The following CLSTN2 variants were observed in gnomAD, a reference collection of about 807,000 sequenced individuals.
The protein encoded by CLSTN2 is calsyntenin 2, also known as calsyntenin-2.
A neutral mutation model predicts 101.2 loss-of-function variants in CLSTN2; 48 were observed. The ratio of observed to expected loss-of-function variants is 0.47; its 90% CI spans 0.38 to 0.60. The LOEUF (loss-of-function observed/expected upper bound fraction) is 0.60, where lower values mean the gene tolerates loss of function less well. CLSTN2 is among the 20% of genes least tolerant of loss of function. CLSTN2 has a pLI of 0.00. For synonymous variants in CLSTN2, 481 were observed against 463.6 expected, an observed-to-expected ratio of 1.04 and a Z score of -0.48; for missense variants, 1,160 against 1,238.2, an observed-to-expected ratio of 0.94 and a Z score of 0.95.
chr3:140,152,486 A>G (rs921634428), intron 1 of CLSTN2, among the ~76,000 whole-genome samples: 2 of 152,238 alleles, frequency 1.3e-5, no homozygotes, highest in Middle Eastern at 3.2e-3. Context: ...TTATGTAATT[A>G]CTTAGTATAA....
chr3:140,546,345 G>A (rs55856137), intron 9 of CLSTN2, among the ~76,000 whole-genome samples, 170 bp from the exon 10 acceptor site: 5,748 of 152,284 alleles, frequency 0.038, 115 homozygotes, highest in East Asian at 0.052. Flanking sequence ...TATTAGCAGC[G>A]TATAACTTCT....
rs937620801 is a variant in CLSTN2, at chr3:140,045,777, C to T, written c.109+110294C>T. 5.3e-5 allele frequency among the ~76,000 whole-genome samples: 8 copies of T among 152,202 alleles called. No homozygotes were observed. The Middle Eastern group carries it at 0.01, about 194-fold the overall frequency. The stretch of plus-strand genomic sequence containing the variant: ...TTTCTGCCTTCATTTCGTTATGTAC[C>T]CAGTAGTCATTCAAGAGCAGGTTGT... On this transcript the variant is annotated intron_variant, in intron 1 of 16. Coordinates refer to ENST00000458420, the MANE Select transcript of CLSTN2 (RefSeq NM_022131.3).
intron 8 of CLSTN2, among the ~76,000 whole-genome samples, chr3:140,526,198 C>T (rs1011288487): frequency 1.3e-5 from 2 of 151,968 alleles, no homozygotes; most frequent in Non-Finnish European, 2.9e-5. Context: ...TGCCAAAAGG[C>T]TCCTGAAACT....
chr3:140,048,688 C>A (rs371513938), intron 1 of CLSTN2, among the ~76,000 whole-genome samples: 3 of 152,058 alleles, frequency 2.0e-5, no homozygotes, highest in Admixed American at 6.5e-5. Flanking sequence ...CAGGTAATGT[C>A]GGCTTCCTTA....
intron 2 of CLSTN2, among the ~76,000 whole-genome samples, chr3:140,178,140 T>C (rs1165220987): frequency 6.6e-6 from 1 of 152,202 alleles, no homozygotes; most frequent in Non-Finnish European, 1.5e-5. Flanking sequence ...CTGCCTTTAA[T>C]GTCCTGTTCT....
intron 1 of CLSTN2, among the ~76,000 whole-genome samples, chr3:139,939,864 G>GCTTCTGA (rs1935095659): frequency 6.6e-6 from 1 of 152,196 alleles, no homozygotes; most frequent in Non-Finnish European, 1.5e-5. Flanking sequence ...GCATCAGAAA[G>GCTTCTGA]TGTACTCTGA....
At chr3:140,162,518 A>T (rs940815576) in intron 1 of CLSTN2, among the ~76,000 whole-genome samples, 2 of 152,154 alleles carry the variant, frequency 1.3e-5, no homozygotes, top group African/African-American at 4.8e-5. Flanking sequence ...GAATGCAGAC[A>T]TGTGGATGCA....
chr3:140,056,096 GGTTT>G (rs996567295), intron 1 of CLSTN2, among the ~76,000 whole-genome samples: 17 of 152,276 alleles, frequency 1.1e-4, no homozygotes, highest in African/African-American at 3.6e-4. Context: ...GAAGAAAGAC[GGTTT>G]GTTCGCTGGG....
chr3:140,409,753 C>G (rs189067695), intron 4 of CLSTN2, among the ~76,000 whole-genome samples: 1 of 152,038 alleles, frequency 6.6e-6, no homozygotes, highest in Non-Finnish European at 1.5e-5. Context: ...CTAAATTGTT[C>G]TAAAGAAACT....
intron 5 of CLSTN2, among the ~76,000 whole-genome samples, chr3:140,438,703 G>T (rs2088713529): frequency 6.6e-6 from 1 of 152,086 alleles, no homozygotes; most frequent in Admixed American, 6.5e-5. Context: ...CATGTTTATT[G>T]TACATAAGAG....
chr3:140,158,312 T>C (rs1328115631), intron 1 of CLSTN2, among the ~76,000 whole-genome samples: 1 of 152,188 alleles, frequency 6.6e-6, no homozygotes, highest in Non-Finnish European at 1.5e-5. Context: ...ACCTAAAAAC[T>C]CTGTCAAAAG....
At chr3:140,176,615 A>C (rs1321544711) in intron 2 of CLSTN2, among the ~76,000 whole-genome samples, 1 of 152,218 alleles carries the variant, frequency 6.6e-6, no homozygotes, top group African/African-American at 2.4e-5. Flanking sequence ...AGAGCCTCTC[A>C]CTATCATCAA....
chr3:139,957,170 C>T (rs1199330699), intron 1 of CLSTN2, among the ~76,000 whole-genome samples: 1 of 152,176 alleles, frequency 6.6e-6, no homozygotes, highest in Non-Finnish European at 1.5e-5. Context: ...TGAGGAGGGG[C>T]CATTCATCCC....
At chr3:140,406,462 G>A (rs2088302759) in intron 4 of CLSTN2, among the ~76,000 whole-genome samples, 1 of 152,202 alleles carries the variant, frequency 6.6e-6, no homozygotes, top group Non-Finnish European at 1.5e-5. Flanking sequence ...AGGCCACAGT[G>A]TCAATGCACA....
At chr3:140,058,962 G>A (rs188529039) in intron 1 of CLSTN2, among the ~76,000 whole-genome samples, 60 of 152,302 alleles carry the variant, frequency 3.9e-4, no homozygotes, top group African/African-American at 1.2e-3. Context: ...AAGCCATGGA[G>A]GATAAGAAGC....
intron 1 of CLSTN2, among the ~76,000 whole-genome samples, chr3:140,128,519 G>T: frequency 6.6e-6 from 1 of 152,184 alleles, no homozygotes; most frequent in South Asian, 2.1e-4. Flanking sequence ...ATAGTCTGGG[G>T]CTAGACATAG....
intron 12 of CLSTN2, among the ~76,000 whole-genome samples, chr3:140,560,951 G>A (rs1225508924): frequency 6.6e-6 from 1 of 151,872 alleles, no homozygotes; most frequent in Non-Finnish European, 1.5e-5. Context: ...CATTGTGATT[G>A]ACAAGCATTT....
Position 140,259,268 on chromosome 3 carries a change from G to C in CLSTN2, c.232+83195G>C, listed in dbSNP as rs183120414. Among the ~76,000 whole-genome samples the C allele has an allele frequency of 2.8e-3, 424 of 151,908 alleles. 1 individual carries two copies. Among genetic ancestry groups the C allele is most frequent in the African/African-American group, 9.5e-3 (394 of 41,432 alleles). On this transcript the variant is annotated intron_variant, in intron 2 of 16. Transcript: ENST00000458420. ...GCGGGTGGATCACCTGAGATCAGGG[G>C]TTCGAGACCAGCCTGGCCAACATGA...
Position 140,362,372 on chromosome 3 carries a change from C to T in CLSTN2, c.233-41257C>T, listed in dbSNP as rs141896827. Among the ~76,000 whole-genome samples the T allele has an allele frequency of 1.4e-3, 217 of 152,010 alleles. 1 individual carries two copies. Among genetic ancestry groups the T allele is most frequent in the African/African-American group, 4.9e-3 (205 of 41,454 alleles). On this transcript the variant is annotated intron_variant, in intron 2 of 16. Transcript: ENST00000458420. ...CAATAAAACCTATAGACTAAAACAC[C>T]GGAGAAAATCTTCATGACCTTGTGT...
Sources: gnomAD v4.1 joint callset for allele counts (sites outside exome capture counted in the v4.1 genomes callset) on GRCh38, gnomAD v4.1.1 for gene constraint, MANE v1.5 for transcripts, NCBI Gene and HGNC (gene_info 2026-07-23, HGNC 2026-07-21) for gene names.